The following INSYN2B variants were observed in gnomAD, a reference collection of about 807,000 sequenced individuals.
INSYN2B encodes the protein inhibitory synaptic factor family member 2B.
A neutral mutation model predicts 41.2 loss-of-function variants in INSYN2B; 16 were observed. The observed-to-expected ratio is 0.39, with a 90% CI of 0.26 to 0.59. The LOEUF (loss-of-function observed/expected upper bound fraction) is 0.59, where lower values mean the gene tolerates loss of function less well. INSYN2B is among the 20% of genes least tolerant of loss of function. The pLI, the probability that INSYN2B is intolerant of heterozygous loss-of-function variation, is 0.57. For synonymous variants in INSYN2B, 245 were observed against 244.4 expected, an observed-to-expected ratio of 1.00 and a Z score of -0.02; for missense variants, 608 against 646.4, an observed-to-expected ratio of 0.94 and a Z score of 0.64.
intron 1 of INSYN2B, among the ~76,000 whole-genome samples, chr5:169,953,652 G>A (rs1015193091): frequency 1.3e-5 from 2 of 152,178 alleles, no homozygotes; most frequent in African/African-American, 4.8e-5. Context: ...AGAGGAGGTA[G>A]CAAGTAGTGG....
intron 1 of INSYN2B, among the ~76,000 whole-genome samples, chr5:169,943,356 G>A (rs1177510031): frequency 6.6e-6 from 1 of 152,036 alleles, no homozygotes; most frequent in Non-Finnish European, 1.5e-5. Context: ...CTGTGGACAG[G>A]CAATACTTAG....
chr5:169,932,345 T>G (rs1192871675), intron 1 of INSYN2B, among the ~76,000 whole-genome samples: 2 of 152,062 alleles, frequency 1.3e-5, no homozygotes, highest in African/African-American at 2.4e-5. Flanking sequence ...TGGTTGGAAC[T>G]ATACCCGCTG....
In INSYN2B at chr5:169,883,436, G is replaced by A; in HGVS notation, c.463C>T (p.Gln155Ter). 1 of 1,551,672 alleles carries A rather than the reference G, an allele frequency of 6.4e-7. No homozygotes were observed. Among genetic ancestry groups the A allele is most frequent in the South Asian group, 1.2e-5 (1 of 84,058 alleles). ...SSDLAYLRLA[Q>*]HLEDGPRRVK... The stretch of plus-strand genomic sequence containing the variant: ...CTTCGAGGCCCATCCTCAAGATGCT[G>A]AGCCAACCTTAAGTAGGCAAGGTCA... The change falls in exon 2 of 4, where the codon CAG becomes TAG. Residue 155 changes from glutamine (Q) to a stop codon, truncating the protein, a stop_gained. Coordinates refer to ENST00000377365, the MANE Select transcript of INSYN2B (RefSeq NM_001129891.3). LOFTEE classifies it high-confidence loss of function.
chr5:169,977,190 C>G (rs1006906914), intron 1 of INSYN2B, among the ~76,000 whole-genome samples: 1 of 152,232 alleles, frequency 6.6e-6, no homozygotes, highest in African/African-American at 2.4e-5. Context: ...CCAGCATGCT[C>G]TGTTCCAAGA....
At position 169,917,395 on chromosome 5, in the gene INSYN2B, T is replaced by C. The variant is rs186931084; in HGVS notation, c.-918-32579A>G. 2.0e-4 allele frequency among the ~76,000 whole-genome samples: 31 copies of C among 152,296 alleles called. No homozygotes were observed. In the East Asian group the frequency reaches 5.8e-3, roughly 28 times the overall value. On this transcript the variant is annotated intron_variant, in intron 1 of 3. Transcript: ENST00000377365. ...TCATTGCTTAGAGATTTTTTTCCAG[T>C]AGTAAAAATAGGGATTCTAGAGTTT...
intron 1 of INSYN2B, among the ~76,000 whole-genome samples, chr5:169,902,459 C>G (rs932290160): frequency 1.3e-5 from 2 of 152,206 alleles, no homozygotes; most frequent in African/African-American, 4.8e-5. Context: ...GGGTCATGCT[C>G]TTATCCACTA....
rs916127942 is a variant in INSYN2B at position 169,884,593 on chromosome 5, C to T, written c.-695G>A. The T allele has an allele frequency of 6.6e-6, 1 of 152,184 alleles. No individual in the cohort carries two copies. The highest frequency in any genetic ancestry group is 2.4e-5 in the African/African-American group (1 of 41,420). 9.4% of individuals were successfully genotyped at this position (152,184 alleles called of 1,614,324 possible). A position where few individuals can be genotyped will look rare whatever the true frequency, so the allele number is the denominator to read the frequency against. ...TTCTTCAGTGAGGGAAACTTATCTT[C>T]CTAAATAGCCTCACAAAACCCAGTG... On this transcript the variant is annotated 5_prime_UTR_variant, in exon 2 of 4. Transcript: ENST00000377365.
At chr5:169,878,590 C>T (rs1472177047) in intron 3 of INSYN2B, among the ~76,000 whole-genome samples, 14 of 152,286 alleles carry the variant, frequency 9.2e-5, no homozygotes, top group South Asian at 2.1e-4. Context: ...GTTTTAAAGA[C>T]GTTCTAGTAC....
At chr5:169,925,467 C>A (rs1314574623) in intron 1 of INSYN2B, among the ~76,000 whole-genome samples, 1 of 150,646 alleles carries the variant, frequency 6.6e-6, no homozygotes, top group African/African-American at 2.4e-5. Context: ...GTAATCCCAG[C>A]TACTTGGGAG....
At position 169,862,761 on chromosome 5, in the gene INSYN2B, A is replaced by C. The variant is rs980311863; in HGVS notation, c.*1512T>G. On this transcript the variant is annotated 3_prime_UTR_variant, in exon 4 of 4. Coordinates refer to ENST00000377365, the MANE Select transcript of INSYN2B (RefSeq NM_001129891.3). Reference sequence around the variant, plus strand: ...CTGAAATAGCTTTGTTCACTGCATCACTATGACAGGGGAAGGTGAAACCAT... The same window carrying C: ...CTGAAATAGCTTTGTTCACTGCATCCCTATGACAGGGGAAGGTGAAACCAT... 1.3e-5 allele frequency among the ~76,000 whole-genome samples: 2 copies of C among 152,200 alleles called. No homozygotes were observed. The highest frequency in any genetic ancestry group is 4.8e-5 in the African/African-American group (2 of 41,452).
intron 1 of INSYN2B, among the ~76,000 whole-genome samples, chr5:169,970,541 A>C (rs1322558807): frequency 4.6e-5 from 7 of 152,328 alleles, no homozygotes; most frequent in Non-Finnish European, 8.8e-5. Flanking sequence ...TAATGTGACT[A>C]TGGGGAAACC....
At chr5:169,978,307 C>T (rs1045278803) in intron 1 of INSYN2B, among the ~76,000 whole-genome samples, 10 of 144,030 alleles carry the variant, frequency 6.9e-5, no homozygotes, top group Non-Finnish European at 1.3e-4. Context: ...TGTTTGTTTC[C>T]CAAGGCAAGG....
At chr5:169,918,255 G>C (rs116081350) in intron 1 of INSYN2B, among the ~76,000 whole-genome samples, 2 of 152,236 alleles carry the variant, frequency 1.3e-5, no homozygotes, top group Non-Finnish European at 1.5e-5. Flanking sequence ...TTATATTTGC[G>C]ATACTGGTAT....
intron 3 of INSYN2B, among the ~76,000 whole-genome samples, chr5:169,867,949 A>T (rs964707538): frequency 6.6e-6 from 1 of 152,180 alleles, no homozygotes; most frequent in Non-Finnish European, 1.5e-5. Flanking sequence ...CACCAGGAAC[A>T]CACATAGTTC....
chr5:169,979,795 A>G (rs540818234), intron 1 of INSYN2B, among the ~76,000 whole-genome samples: 13 of 152,216 alleles, frequency 8.5e-5, no homozygotes, highest in Admixed American at 3.9e-4. Context: ...AAGCTGGTAA[A>G]AGTAATTTTG....
chr5:169,959,157 C>T (rs1377472608), intron 1 of INSYN2B, among the ~76,000 whole-genome samples: 1 of 151,972 alleles, frequency 6.6e-6, no homozygotes, highest in Non-Finnish European at 1.5e-5. Flanking sequence ...CTTTGGGAGG[C>T]CGAGGGGGGC....
chr5:169,934,333 T>C (rs1241596914), intron 1 of INSYN2B, among the ~76,000 whole-genome samples: 3 of 152,178 alleles, frequency 2.0e-5, no homozygotes, highest in African/African-American at 7.2e-5. Context: ...CCTAGGTACT[T>C]TGGTAGTTGT....
intron 1 of INSYN2B, among the ~76,000 whole-genome samples, chr5:169,970,106 G>C (rs1016815920): frequency 2.0e-5 from 3 of 152,176 alleles, no homozygotes; most frequent in East Asian, 3.9e-4. Flanking sequence ...CCCCTTAAAG[G>C]CATGTTCAGA....
At chr5:169,944,507 G>C (rs1220364237) in intron 1 of INSYN2B, among the ~76,000 whole-genome samples, 1 of 152,204 alleles carries the variant, frequency 6.6e-6, no homozygotes, top group African/African-American at 2.4e-5. Flanking sequence ...AGCCAGGCCT[G>C]TGCAGTGAAT....
Sources: gnomAD v4.1 joint callset for allele counts (sites outside exome capture counted in the v4.1 genomes callset) on GRCh38, gnomAD v4.1.1 for gene constraint, MANE v1.5 for transcripts, NCBI Gene and HGNC (gene_info 2026-07-23, HGNC 2026-07-21) for gene names.